Variants in CHRDL1 observed in about 807,000 individuals in gnomAD.
CHRDL1 encodes the protein chordin like 1.
In CHRDL1, 19 loss-of-function variants were observed where a neutral mutation model predicts 40.9. The ratio of observed to expected loss-of-function variants is 0.46; its 90% CI spans 0.32 to 0.68. The LOEUF is 0.68. CHRDL1 is among the 30% of genes least tolerant of loss of function. The probability of loss-of-function intolerance (pLI) is 0.03; values close to 1 mark genes in which losing one functional copy is unlikely to be tolerated. For synonymous variants in CHRDL1, 136 were observed against 123.4 expected (o/e 1.10, Z -0.68); for missense variants, 329 against 352.1 (o/e 0.93, Z 0.53).
chrX:110,727,860 C>T (rs2071085392), intron 4 of CHRDL1, among the ~76,000 whole-genome samples: 1 of 111,708 alleles, frequency 9.0e-6, no homozygotes, highest in Non-Finnish European at 1.9e-5. Flanking sequence ...TATACTTGCA[C>T]ATGTGTGAAA....
intron 4 of CHRDL1, among the ~76,000 whole-genome samples, chrX:110,732,026 G>A (rs1328364229): frequency 1.8e-5 from 2 of 109,584 alleles, no homozygotes; most frequent in African/African-American, 3.4e-5. Context: ...ACCTCCAAAC[G>A]TTATACAATA....
At chrX:110,689,809 ATATATATC>A (rs1408954188) in intron 8 of CHRDL1, among the ~76,000 whole-genome samples, 6 of 73,979 alleles carry the variant, frequency 8.1e-5, no homozygotes, top group East Asian at 3.6e-4. Context: ...CTATATATCT[ATATATATC>A]TATATATCTA....
At chrX:110,722,556 T>C (rs1479331769) in intron 4 of CHRDL1, among the ~76,000 whole-genome samples, 1 of 112,123 alleles carries the variant, frequency 8.9e-6, no homozygotes, top group African/African-American at 3.2e-5. Context: ...TTATTGAAAC[T>C]CATATTTGTG....
chrX:110,723,219 C>G (rs1053755314), intron 4 of CHRDL1, among the ~76,000 whole-genome samples: 1 of 111,289 alleles, frequency 9.0e-6, no homozygotes, highest in Admixed American at 9.5e-5. Context: ...CCACTGCACT[C>G]CAGCCTGGGC....
At chrX:110,777,932 A>G (rs1483293300) in intron 2 of CHRDL1, among the ~76,000 whole-genome samples, 1 of 111,374 alleles carries the variant, frequency 9.0e-6, no homozygotes, top group African/African-American at 3.3e-5. Flanking sequence ...CCAGAACAGA[A>G]TAAGAAGCCC....
Position 110,748,000 on chromosome X carries a change from T to C in CHRDL1, c.301+11661A>G, listed in dbSNP as rs757391593. Among the ~76,000 whole-genome samples, 5 of 112,144 alleles carry C rather than the reference T, an allele frequency of 4.5e-5. No individual in the cohort carries two copies. The South Asian group carries it at 1.9e-3, about 42-fold the overall frequency. ...AAATGACTTCAGCTTCCCTTATCTA[T>C]GCCTGGAACTACTTTTTTGTGCCTA... On this transcript the variant is annotated intron_variant, in intron 4 of 11. Transcript: ENST00000372042.
intron 8 of CHRDL1, among the ~76,000 whole-genome samples, chrX:110,691,060 C>T (rs762745937): frequency 8.2e-5 from 9 of 109,363 alleles, no homozygotes; most frequent in South Asian, 4.1e-4. Context: ...AATAATAATA[C>T]GAAAGTCGCC....
intron 4 of CHRDL1, among the ~76,000 whole-genome samples, chrX:110,750,894 G>C (rs966666104): frequency 1.8e-5 from 2 of 111,921 alleles, no homozygotes; most frequent in African/African-American, 6.5e-5. Flanking sequence ...TGTGTTTCCA[G>C]AGTGTCTATG....
chrX:110,689,070 A>ATG (rs55638157), intron 8 of CHRDL1, among the ~76,000 whole-genome samples: 6 of 14,035 alleles, frequency 4.3e-4, no homozygotes, highest in African/African-American at 9.8e-4. Flanking sequence ...AAATATATAT[A>ATG]TGTATATATA....
At chrX:110,757,550 G>A (rs1045726482) in intron 4 of CHRDL1, among the ~76,000 whole-genome samples, 1 of 111,461 alleles carries the variant, frequency 9.0e-6, no homozygotes, top group African/African-American at 3.3e-5. Context: ...ATTCAAGAAT[G>A]GTTGTAAAAT....
intron 1 of CHRDL1, among the ~76,000 whole-genome samples, chrX:110,794,325 C>T (rs2090149463): frequency 8.9e-6 from 1 of 112,170 alleles, no homozygotes; most frequent in African/African-American, 3.2e-5. Flanking sequence ...CATTAACTCT[C>T]TGTCTGCTTC....
chrX:110,732,581 C>T (rs2071186077), intron 4 of CHRDL1, among the ~76,000 whole-genome samples: 1 of 111,870 alleles, frequency 8.9e-6, no homozygotes, highest in African/African-American at 3.2e-5. Flanking sequence ...CTCATCCGGA[C>T]CCCATCTGCA....
chrX:110,791,443 C>T (rs1181092264), intron 2 of CHRDL1, among the ~76,000 whole-genome samples: 2 of 111,748 alleles, frequency 1.8e-5, no homozygotes, highest in Non-Finnish European at 3.8e-5. Context: ...CCCGCCCCCA[C>T]TTCCTGCCAC....
At chrX:110,769,805 G>C (rs762122005) in intron 2 of CHRDL1, among the ~76,000 whole-genome samples, 1 of 111,736 alleles carries the variant, frequency 8.9e-6, no homozygotes, top group South Asian at 3.8e-4. Flanking sequence ...ACCTCCCGCC[G>C]GGTTTCTCCC....
At chrX:110,689,504 A>C (rs868638343) in intron 8 of CHRDL1, among the ~76,000 whole-genome samples, 15 of 49,358 alleles carry the variant, frequency 3.0e-4, no homozygotes, top group African/African-American at 2.7e-3. Flanking sequence ...ATATATCTAT[A>C]TATCTATATC....
chrX:110,726,359 T>C lies in CHRDL1; in HGVS notation c.302-4829A>G, dbSNP rs578125857. Among the ~76,000 whole-genome samples, 54 of 111,825 alleles carry C rather than the reference T, an allele frequency of 4.8e-4. 2 individuals are homozygous for C. The highest frequency in any genetic ancestry group is 1.5e-3 in the African/African-American group (46 of 30,823). ...TAGTGCTTTTAATAGAAGAGGCCTG[T>C]GGGAGCTTGTTCGCCCCTTCTACTA... On this transcript the variant is annotated intron_variant, in intron 4 of 11. Transcript: ENST00000372042.
rs184975627 is a variant in CHRDL1, at chrX:110,785,891, A to G, written c.94+6197T>C. Among the ~76,000 whole-genome samples the G allele has an allele frequency of 2.1e-4, 24 of 112,413 alleles. No individual in the cohort carries two copies. In the South Asian group the frequency reaches 6.7e-3, roughly 31 times the overall value. ...CATCTATTTAACATTTCCATGTTCTATTCTCCAATTTAGATCATTCAAAGG... is the reference window on the plus strand; with the variant it reads ...CATCTATTTAACATTTCCATGTTCTGTTCTCCAATTTAGATCATTCAAAGG... On this transcript the variant is annotated intron_variant, in intron 2 of 11. Transcript: ENST00000372042.
intron 6 of CHRDL1, among the ~76,000 whole-genome samples, chrX:110,703,299 T>A (rs2070554982): frequency 8.9e-6 from 1 of 111,732 alleles, no homozygotes. Flanking sequence ...AGGTGCTCAA[T>A]ATATGTATTG....
intron 9 of CHRDL1, among the ~76,000 whole-genome samples, chrX:110,688,137 G>A (rs1278161936): frequency 9.0e-6 from 1 of 111,563 alleles, no homozygotes; most frequent in East Asian, 2.8e-4. Context: ...GGCTCAGAAT[G>A]GATATGGCAC....
Sources: allele counts gnomAD v4.1 joint callset (sites outside exome capture counted in the v4.1 genomes callset), GRCh38; gene constraint gnomAD v4.1.1; transcripts MANE v1.5; gene names NCBI Gene and HGNC (gene_info 2026-07-23, HGNC 2026-07-21).